The following TXNDC16 variants were observed in gnomAD, a reference collection of about 807,000 sequenced individuals.
The protein encoded by TXNDC16 is thioredoxin domain-containing protein 16.
TXNDC16 carries 74 observed loss-of-function variants against 85.6 expected under a neutral mutation model. The observed-to-expected ratio is 0.86, with a 90% CI of 0.72 to 1.05. The LOEUF (loss-of-function observed/expected upper bound fraction) is 1.05, where lower values mean the gene tolerates loss of function less well. Among genes scored for constraint, TXNDC16 ranks in the 50% least tolerant of loss-of-function variants. The pLI, the probability that TXNDC16 is intolerant of heterozygous loss-of-function variation, is 0.00. For synonymous variants in TXNDC16, 335 were observed against 326.5 expected, an observed-to-expected ratio of 1.03 and a Z score of -0.28; for missense variants, 959 against 947.0, an observed-to-expected ratio of 1.01 and a Z score of -0.17.
In TXNDC16 at chr14:52,552,404, G is replaced by A. The variant is rs1421029240; in HGVS notation, c.-270C>T. On this transcript the variant is annotated 5_prime_UTR_variant, in exon 1 of 21. Coordinates refer to ENST00000281741, the MANE Select transcript of TXNDC16 (RefSeq NM_020784.3). ...CCGCCACGCGACGGAGGAGGAGGCA[G>A]AAGACGGGGCCGTGCCAGACTAGCC... 1.3e-5 allele frequency: 2 copies of A among 152,386 alleles called. No homozygotes were observed. The highest frequency in any genetic ancestry group is 4.8e-5 in the African/African-American group (2 of 41,470). 9.4% of individuals were successfully genotyped at this position (152,386 alleles called of 1,614,324 possible). A position where few individuals can be genotyped will look rare whatever the true frequency, so the allele number is the denominator to read the frequency against.
At chr14:52,526,605 T>C (rs114840222) in intron 6 of TXNDC16, among the ~76,000 whole-genome samples, 1,830 of 152,314 alleles carry the variant, frequency 0.012, 36 homozygotes, top group African/African-American at 0.041. Flanking sequence ...AAATAAAACA[T>C]ATCTGTGATA....
chr14:52,451,347 AC>A lies in TXNDC16; in HGVS notation c.1842+3976del, dbSNP rs2035407917. 2.6e-5 allele frequency among the ~76,000 whole-genome samples: 4 copies of A among 152,104 alleles called. No homozygotes were observed. The South Asian group carries it at 8.3e-4, about 32-fold the overall frequency. On this transcript the variant is annotated intron_variant, in intron 18 of 20. Transcript: ENST00000281741. ...AAAGGAGTAATTCCAAACTCATTCT[AC>A]AAAGCCAGTATTACCCTGGTATAAA...
chr14:52,471,999 C>T (rs2035918209), intron 14 of TXNDC16, among the ~76,000 whole-genome samples: 1 of 148,666 alleles, frequency 6.7e-6, no homozygotes. Flanking sequence ...AGGATATAGC[C>T]TAAATGTTAC....
intron 6 of TXNDC16, among the ~76,000 whole-genome samples, chr14:52,530,285 AAT>A (rs2037486144): frequency 6.9e-5 from 3 of 43,430 alleles, no homozygotes; most frequent in East Asian, 1.4e-3. Flanking sequence ...TTTAATATAT[AAT>A]TATTATATAT....
intron 9 of TXNDC16, among the ~76,000 whole-genome samples, chr14:52,495,188 G>A (rs548084953): frequency 1.3e-5 from 2 of 152,334 alleles, no homozygotes; most frequent in African/African-American, 2.4e-5. Context: ...TGTGGCATTA[G>A]TAGGCTATTT....
At chr14:52,488,335 G>A (rs768382801) in intron 12 of TXNDC16, 28 bp downstream of exon 12, 3 of 1,608,968 alleles carry the variant, frequency 1.9e-6, no homozygotes, top group African/African-American at 1.3e-5. Context: ...GGCAGGATGG[G>A]GAAGGGGTGA....
intron 20 of TXNDC16, among the ~76,000 whole-genome samples, chr14:52,434,494 C>A (rs767361685): frequency 1.2e-4 from 19 of 152,148 alleles, no homozygotes; most frequent in Non-Finnish European, 4.4e-5. Flanking sequence ...TTCATTTTAT[C>A]TTTACAATTT....
At chr14:52,530,192 T>A (rs1357410660) in intron 6 of TXNDC16, among the ~76,000 whole-genome samples, 1 of 80,376 alleles carries the variant, frequency 1.2e-5, no homozygotes, top group East Asian at 4.1e-4. Context: ...ATATATTATA[T>A]TTATATATAT....
chr14:52,509,784 C>G (rs1403423659), intron 9 of TXNDC16, among the ~76,000 whole-genome samples: 2 of 151,846 alleles, frequency 1.3e-5, no homozygotes, highest in Non-Finnish European at 2.9e-5. Context: ...CGAGACCATC[C>G]TGGCTAAGAC....
At chr14:52,450,212 G>A (rs1179512185) in intron 18 of TXNDC16, among the ~76,000 whole-genome samples, 2 of 151,938 alleles carry the variant, frequency 1.3e-5, no homozygotes, top group East Asian at 1.9e-4. Flanking sequence ...GAAACAAAGA[G>A]AGAAGACCCA....
chr14:52,530,258 T>TTATATA (rs1555342440), intron 6 of TXNDC16, among the ~76,000 whole-genome samples: 707 of 59,384 alleles, frequency 0.012, 14 homozygotes, highest in Admixed American at 0.048. Context: ...ATATATATTA[T>TTATATA]ATAATATATA....
intron 6 of TXNDC16, among the ~76,000 whole-genome samples, chr14:52,521,449 A>T (rs1169555851): frequency 6.6e-6 from 1 of 151,982 alleles, no homozygotes; most frequent in Non-Finnish European, 1.5e-5. Flanking sequence ...AATATCTTTA[A>T]TTCGGACTAA....
rs35223236 is a variant in TXNDC16, at chr14:52,491,075, A to G, written c.757-70T>C. 1,900 of 1,476,334 alleles carry G rather than the reference A, an allele frequency of 1.3e-3. 3 individuals carry two copies. The highest frequency in any genetic ancestry group is 1.6e-3 in the Non-Finnish European group (1,767 of 1,109,470). 91.5% of individuals were successfully genotyped at this position (1,476,334 alleles called of 1,614,324 possible). On this transcript the variant is annotated intron_variant, in intron 9 of 20. Transcript: ENST00000281741. ...CAACATTTGGATTTAAATTCTCCTA[A>G]TTCTTATTAATAAAGTCATGAGTAA...
At chr14:52,507,989 T>C (rs1336475614) in intron 9 of TXNDC16, among the ~76,000 whole-genome samples, 8 of 151,798 alleles carry the variant, frequency 5.3e-5, no homozygotes, top group African/African-American at 7.3e-5. Flanking sequence ...CAATACCATT[T>C]AGGACATGGG....
chr14:52,499,674 C>G (rs1203395483), intron 9 of TXNDC16, among the ~76,000 whole-genome samples: 2 of 151,478 alleles, frequency 1.3e-5, no homozygotes, highest in African/African-American at 4.8e-5. Flanking sequence ...AGAAATGAAC[C>G]CTTGTGCACT....
intron 14 of TXNDC16, among the ~76,000 whole-genome samples, chr14:52,472,332 G>A (rs2035926628): frequency 6.6e-6 from 1 of 151,960 alleles, no homozygotes; most frequent in Admixed American, 6.6e-5. Context: ...CGAGTAGCTG[G>A]GACGACAGGC....
At chr14:52,550,824 C>T (rs1299701154) in intron 1 of TXNDC16, among the ~76,000 whole-genome samples, 2 of 152,192 alleles carry the variant, frequency 1.3e-5, no homozygotes, top group African/African-American at 2.4e-5. Flanking sequence ...AATTTAAATA[C>T]TTAAGCACAT....
chr14:52,449,312 C>A (rs2140109479), intron 18 of TXNDC16, among the ~76,000 whole-genome samples: 1 of 151,824 alleles, frequency 6.6e-6, no homozygotes, highest in East Asian at 1.9e-4. Context: ...TGATATCAGA[C>A]AAAATAGATT....
intron 9 of TXNDC16, among the ~76,000 whole-genome samples, chr14:52,510,859 A>G (rs1326870522): frequency 6.6e-6 from 1 of 152,182 alleles, no homozygotes; most frequent in Non-Finnish European, 1.5e-5. Context: ...ATAGTGATCA[A>G]AGCATTCATA....
Sources: allele counts gnomAD v4.1 joint callset (sites outside exome capture counted in the v4.1 genomes callset), GRCh38; gene constraint gnomAD v4.1.1; transcripts MANE v1.5; gene names NCBI Gene and HGNC (gene_info 2026-07-23, HGNC 2026-07-21).